DNM1: variants seen among roughly 807,000 people sequenced by gnomAD.
DNM1 encodes the protein dynamin-1.
DNM1 carries 29 observed loss-of-function variants against 104.6 expected under a neutral mutation model. That is an observed-to-expected ratio of 0.28 (90% CI 0.21 to 0.38). DNM1 has a LOEUF of 0.38. DNM1 is among the 10% of genes least tolerant of loss of function. The probability of loss-of-function intolerance (pLI) is 1.00; values close to 1 mark genes in which losing one functional copy is unlikely to be tolerated. For missense variants in DNM1, 640 were observed against 1,189.4 expected, an observed-to-expected ratio of 0.54 and a Z score of 6.79; for synonymous variants, 445 against 475.8, an observed-to-expected ratio of 0.94 and a Z score of 0.84.
chr9:128,223,841 G>A (rs1310460906), intron 9 of DNM1: 1 of 155,008 alleles, frequency 6.5e-6, no homozygotes, highest in Non-Finnish European at 1.4e-5. Context: ...GAGGTCAGGA[G>A]ATCGAGACCA....
rs1486840066 is a variant in DNM1, at chr9:128,203,783, T to TC, written c.161+158dup. ...ACCCCCAGCCGGAGCGAGGAGGCCC[T>TC]CCCCCCACCACGAGAGCCCCTCGGG... On this transcript the variant is annotated intron_variant, in intron 1 of 21. Coordinates refer to ENST00000372923, the MANE Select transcript of DNM1 (RefSeq NM_004408.4). This position sits in a 1 kb window ranked among gnomAD's most constrained non-coding sequence, Gnocchi z 5.3. The TC allele has an allele frequency of 1.7e-6, 1 of 580,962 alleles. No homozygotes were observed. The highest frequency in any genetic ancestry group is 3.0e-5 in the African/African-American group (1 of 33,426). 36.0% of individuals were successfully genotyped at this position (580,962 alleles called of 1,614,324 possible).
intron 1 of DNM1, among the ~76,000 whole-genome samples, chr9:128,216,034 A>G (rs964227807): frequency 6.2e-5 from 9 of 145,984 alleles, no homozygotes; most frequent in South Asian, 2.3e-4. Context: ...ACCCCCCAGC[A>G]AACCCCCTCC....
intron 1 of DNM1, among the ~76,000 whole-genome samples, chr9:128,208,389 G>A (rs187499012): frequency 9.9e-5 from 15 of 152,254 alleles, no homozygotes; most frequent in African/African-American, 2.9e-4. Flanking sequence ...CAGCATGGAC[G>A]TGATGCTGGT....
rs1330495288 is a variant in DNM1, at chr9:128,218,114, C to A, written c.162-117C>A. 1.1e-5 allele frequency: 10 copies of A among 924,774 alleles called. No homozygotes were observed. Among genetic ancestry groups the A allele is most frequent in the African/African-American group, 8.1e-5 (5 of 61,708 alleles). The allele number at this position is 924,774 out of a possible 1,614,324, so 57.3% of individuals were successfully genotyped here. A position where few individuals can be genotyped will look rare whatever the true frequency, so the allele number is the denominator to read the frequency against. The stretch of plus-strand genomic sequence containing the variant: ...TACCTGAAGCCCCTGGGCTAAGGAG[C>A]GGTGGAGCCAGCACTTTGGAAGGAG... On this transcript the variant is annotated intron_variant, in intron 1 of 21. Coordinates refer to ENST00000372923, the MANE Select transcript of DNM1 (RefSeq NM_004408.4). This position sits in a 1 kb window ranked among gnomAD's most constrained non-coding sequence, Gnocchi z 4.8.
In DNM1 at chr9:128,248,315, C is replaced by G. The variant is rs1836954300; in HGVS notation, c.1906-268C>G. 2.0e-6 allele frequency: 1 copy of G among 494,270 alleles called. No individual in the cohort carries two copies. Among genetic ancestry groups the G allele is most frequent in the Admixed American group, 3.4e-5 (1 of 29,214 alleles). 30.6% of individuals were successfully genotyped at this position (494,270 alleles called of 1,614,324 possible). On this transcript the variant is annotated intron_variant, in intron 18 of 21. Transcript: ENST00000372923. The surrounding 1 kb of genome is among the most constrained non-coding windows in gnomAD (Gnocchi z 5.6). ...CTCCAGCCTGGGTGACAAAGCAAGACTTTCTCAAAATAATAATAATAATAA... is the reference window on the plus strand; with the variant it reads ...CTCCAGCCTGGGTGACAAAGCAAGAGTTTCTCAAAATAATAATAATAATAA...
chr9:128,246,586 G>A, intron 16 of DNM1, 83 bp downstream of exon 16: 2 of 1,033,458 alleles, frequency 1.9e-6, no homozygotes, highest in Admixed American at 1.9e-5. Flanking sequence ...GATCCAGGGA[G>A]GAGAGGAACC....
chr9:128,228,828 C>A (rs1302267764), intron 10 of DNM1, among the ~76,000 whole-genome samples: 3 of 151,648 alleles, frequency 2.0e-5, no homozygotes, highest in Non-Finnish European at 4.4e-5. Context: ...ACTAAAAATG[C>A]AAAAATTAGA....
chr9:128,234,597 C>T (rs982528605), intron 11 of DNM1, among the ~76,000 whole-genome samples: 1 of 152,204 alleles, frequency 6.6e-6, no homozygotes, highest in Non-Finnish European at 1.5e-5. Flanking sequence ...TGGTCTCAAA[C>T]TCCTGACCTC....
chr9:128,246,367 C>A (rs1836815474), intron 15 of DNM1, 27 bp from the exon 16 acceptor site: 1 of 1,527,006 alleles, frequency 6.5e-7, no homozygotes, highest in South Asian at 1.1e-5. Context: ...GCCAACCTCA[C>A]CCCATTGCTC....
intron 10 of DNM1, chr9:128,225,926 G>A (rs1028139532): frequency 2.2e-5 from 20 of 923,180 alleles, no homozygotes; most frequent in Admixed American, 8.0e-5. Context: ...CCCCGTGCCC[G>A]TGCCATCCTC....
chr9:128,248,369 C>A lies in DNM1; in HGVS notation c.1906-214C>A. ...CTGGATTGGGAAATTGAGGCAAATT[C>A]TAGGCACTAGAGTCAGAACCAAGAC... On this transcript the variant is annotated intron_variant, in intron 18 of 21. Coordinates refer to ENST00000372923, the MANE Select transcript of DNM1 (RefSeq NM_004408.4). This position sits in a 1 kb window ranked among gnomAD's most constrained non-coding sequence, Gnocchi z 5.6. 1.8e-6 allele frequency: 1 copy of A among 550,364 alleles called. No homozygotes were observed. The highest frequency in any genetic ancestry group is 3.2e-6 in the Non-Finnish European group (1 of 313,126). The allele number at this position is 550,364 out of a possible 1,614,324, so 34.1% of individuals were successfully genotyped here.
chr9:128,228,227 G>A (rs574609879), intron 10 of DNM1, among the ~76,000 whole-genome samples: 2 of 151,962 alleles, frequency 1.3e-5, no homozygotes, highest in Admixed American at 1.3e-4. Context: ...ATTTTCAGTA[G>A]AGATGGGGTT....
Position 128,224,110 on chromosome 9 carries a change from C to A in DNM1, c.1197-141C>A, listed in dbSNP as rs537792322. On this transcript the variant is annotated intron_variant, in intron 9 of 21. Transcript: ENST00000372923. This position sits in a 1 kb window ranked among gnomAD's most constrained non-coding sequence, Gnocchi z 4.3. The stretch of plus-strand genomic sequence containing the variant: ...AGAACCCCTCCCTCCCATTTTACAA[C>A]TGGGGACACTGAGGCCCAGAGAGGG... 6.8e-4 allele frequency: 721 copies of A among 1,062,106 alleles called. 5 individuals carry two copies. Among genetic ancestry groups the A allele is most frequent in the Middle Eastern group, 3.1e-4 (1 of 3,190 alleles). The allele number at this position is 1,062,106 out of a possible 1,614,324, so 65.8% of individuals were successfully genotyped here.
chr9:128,239,399 T>G (rs1588424148), intron 11 of DNM1, 46 bp from the exon 12 acceptor site: 1 of 1,492,968 alleles, frequency 6.7e-7, no homozygotes, highest in East Asian at 2.3e-5. Flanking sequence ...TTTTAAAACT[T>G]TGTGGTGTCT....
intron 1 of DNM1, among the ~76,000 whole-genome samples, chr9:128,209,254 C>T (rs1239266914): frequency 6.6e-6 from 1 of 152,204 alleles, no homozygotes; most frequent in Non-Finnish European, 1.5e-5. Flanking sequence ...TCCAAACCCA[C>T]ACCCCACCGT....
rs1214229943 is a variant in DNM1, at chr9:128,247,568, C to T, written c.1893+82C>T. Reference sequence around the variant, plus strand: ...CCATCCTCAGTGATGCCAAGTCATGCCATGTTTCCGAGCCCTTATTTGGCT... The same window carrying T: ...CCATCCTCAGTGATGCCAAGTCATGTCATGTTTCCGAGCCCTTATTTGGCT... On this transcript the variant is annotated intron_variant, in intron 17 of 21. Transcript: ENST00000372923. This position sits in a 1 kb window ranked among gnomAD's most constrained non-coding sequence, Gnocchi z 5.1. 5 of 1,150,864 alleles carry T rather than the reference C, an allele frequency of 4.3e-6. No homozygotes were observed. In the East Asian group the frequency reaches 1.3e-4, roughly 29 times the overall value. 71.3% of individuals were successfully genotyped at this position (1,150,864 alleles called of 1,614,324 possible).
rs953252072 is a variant in DNM1, at chr9:128,231,363, G to A, written c.1336-2658G>A. ...ATTACAGGCATGTGCCACCACGCCC[G>A]GCTACTTTTGTATTTTTAATAGAGA... On this transcript the variant is annotated intron_variant, in intron 10 of 21. Coordinates refer to ENST00000372923, the MANE Select transcript of DNM1 (RefSeq NM_004408.4). Among the ~76,000 whole-genome samples the A allele has an allele frequency of 2.0e-5, 3 of 151,904 alleles. No individual in the cohort carries two copies. The East Asian group carries it at 5.8e-4, about 30-fold the overall frequency.
Position 128,203,493 on chromosome 9 carries a change from A to G in DNM1, c.23A>G (p.Asp8Gly). 6.5e-7 allele frequency: 1 copy of G among 1,529,494 alleles called. No homozygotes were observed. The highest frequency in any genetic ancestry group is 8.8e-7 in the Non-Finnish European group (1 of 1,141,632). The allele number at this position is 1,529,494 out of a possible 1,614,324, so 94.7% of individuals were successfully genotyped here. ...GCCATGGGCAACCGCGGCATGGAAG[A>G]TCTCATCCCGCTGGTCAACCGGCTG... MGNRGME[D>G]LIPLVNRLQD... The change falls in exon 1 of 22, where the codon GAT (aspartate) becomes GGT (glycine). Residue 8 changes from aspartate to glycine, a missense_variant. Around this residue, in one of 7 missense-constraint regions of DNM1, gnomAD observed 172 missense variants for 335.3 expected, o/e 0.51. Coordinates refer to ENST00000372923, the MANE Select transcript of DNM1 (RefSeq NM_004408.4). This position sits in a 1 kb window ranked among gnomAD's most constrained non-coding sequence, Gnocchi z 5.3.
chr9:128,225,037 G>C (rs1050190851), intron 10 of DNM1, among the ~76,000 whole-genome samples: 2 of 152,124 alleles, frequency 1.3e-5, no homozygotes, highest in East Asian at 3.9e-4. Context: ...ACAGAAGCAC[G>C]CAGGGAGGCA....
Sources: gnomAD v4.1 joint callset for allele counts (sites outside exome capture counted in the v4.1 genomes callset) on GRCh38, gnomAD v4.1.1 for gene constraint, gnomAD v4.1.1 regional missense constraint, Gnocchi (gnomAD v3.1) non-coding constraint, MANE v1.5 for transcripts, NCBI Gene and HGNC (gene_info 2026-07-23, HGNC 2026-07-21) for gene names.